The following AP2B1 variants were observed in gnomAD, a reference collection of about 807,000 sequenced individuals.
The protein encoded by AP2B1 is adaptor related protein complex 2 subunit beta 1.
Under a neutral mutation model 102.0 loss-of-function variants are expected in AP2B1, and 23 were observed. The observed-to-expected ratio is 0.23, with a 90% confidence interval of 0.16 to 0.32. The LOEUF (loss-of-function observed/expected upper bound fraction) is 0.32, where lower values mean the gene tolerates loss of function less well. AP2B1 is among the 10% of genes least tolerant of loss of function. The probability of loss-of-function intolerance (pLI) is 1.00; values close to 1 mark genes in which losing one functional copy is unlikely to be tolerated. For synonymous variants in AP2B1, 381 were observed against 421.2 expected, an observed-to-expected ratio of 0.90 and a Z score of 1.17; for missense variants, 541 against 1,157.4, an observed-to-expected ratio of 0.47 and a Z score of 7.73.
At chr17:35,703,226 C>T (rs587677360) in intron 18 of AP2B1, among the ~76,000 whole-genome samples, 135 of 136,982 alleles carry the variant, frequency 9.9e-4, no homozygotes, top group African/African-American at 3.7e-3. Context: ...GATTGCGCCA[C>T]TGCACTCCAG....
intron 14 of AP2B1, among the ~76,000 whole-genome samples, chr17:35,662,056 ATAG>A (rs2075368973): frequency 1.3e-5 from 2 of 152,136 alleles, no homozygotes; most frequent in Non-Finnish European, 2.9e-5. Context: ...TCCTCCATCA[ATAG>A]TAGTGACTCT....
chr17:35,638,410 A>C (rs953108103), intron 10 of AP2B1, among the ~76,000 whole-genome samples: 1 of 152,210 alleles, frequency 6.6e-6, no homozygotes, highest in African/African-American at 2.4e-5. Context: ...AGAGCTGTAG[A>C]TATGTAAAAA....
In AP2B1 at chr17:35,596,808, AGCGCTGCCAGGCCCCGCAG is replaced by A. The variant is rs1175290776; in HGVS notation, c.38-1413_38-1395del. ...TAGCGTCAGCTGCATGGGCCCCCGC[AGCGCTGCCAGGCCCCGCAG>A]GCGCTGCCCCACACCGCACACAGGC... On this transcript the variant is annotated intron_variant, in intron 2 of 21. Coordinates refer to ENST00000610402, the MANE Select transcript of AP2B1 (RefSeq NM_001030006.2). The A allele has an allele frequency of 3.9e-5, 25 of 634,800 alleles. No homozygotes were observed. The Admixed American group carries it at 4.7e-4, about 12-fold the overall frequency. The allele number at this position is 634,800 out of a possible 1,614,324, so 39.3% of individuals were successfully genotyped here.
At chr17:35,600,981 G>A in intron 3 of AP2B1, 1 of 985,100 alleles carries the variant, frequency 1.0e-6, no homozygotes, top group Non-Finnish European at 1.2e-6. Flanking sequence ...TCTTTTGTTT[G>A]TTAGCACATA....
intron 9 of AP2B1, among the ~76,000 whole-genome samples, chr17:35,633,344 C>T (rs1250416055): frequency 2.2e-5 from 3 of 135,000 alleles, no homozygotes; most frequent in African/African-American, 5.6e-5. Context: ...GGTCACAGAG[C>T]GAGACTGTGT....
intron 5 of AP2B1, among the ~76,000 whole-genome samples, chr17:35,616,404 G>A (rs1161192539): frequency 4.6e-5 from 7 of 151,812 alleles, no homozygotes; most frequent in African/African-American, 9.7e-5. Context: ...TCCTGACCTC[G>A]TGATCCGCCC....
At chr17:35,678,358 A>G (rs1456910210) in intron 17 of AP2B1, among the ~76,000 whole-genome samples, 1 of 152,044 alleles carries the variant, frequency 6.6e-6, no homozygotes, top group East Asian at 1.9e-4. Flanking sequence ...ATCTTTTCCT[A>G]TTCAATCTTA....
chr17:35,683,175 G>A (rs142101874), intron 18 of AP2B1, among the ~76,000 whole-genome samples: 14 of 152,202 alleles, frequency 9.2e-5, no homozygotes, highest in African/African-American at 2.9e-4. Flanking sequence ...ACCGCGCCTC[G>A]CCCAATTTTT....
At chr17:35,618,958 C>G (rs1249355119) in intron 5 of AP2B1, among the ~76,000 whole-genome samples, 1 of 152,108 alleles carries the variant, frequency 6.6e-6, no homozygotes, top group Non-Finnish European at 1.5e-5. Flanking sequence ...CTACATGTCA[C>G]CTTTGCTGGA....
intron 4 of AP2B1, among the ~76,000 whole-genome samples, chr17:35,606,266 G>A (rs991876377): frequency 1.3e-5 from 2 of 149,544 alleles, no homozygotes; most frequent in Admixed American, 6.7e-5. Context: ...TTGATACAGA[G>A]TCTCACTCTG....
rs542922752 is a variant in AP2B1, at chr17:35,657,900, A to G, written c.1989+109A>G. ...ACTAGACCTTTCCTTGATGAGCAGT[A>G]GTGTCCTTTGATAAAGGACAGGATT... On this transcript the variant is annotated intron_variant, in intron 14 of 21. Transcript: ENST00000610402. The G allele has an allele frequency of 4.2e-6, 4 of 941,300 alleles. No individual in the cohort carries two copies. The East Asian group carries it at 7.9e-5, about 18-fold the overall frequency. 58.3% of individuals were successfully genotyped at this position (941,300 alleles called of 1,614,324 possible). A position where few individuals can be genotyped will look rare whatever the true frequency, so the allele number is the denominator to read the frequency against.
chr17:35,667,933 A>ATT (rs34486349), intron 14 of AP2B1, among the ~76,000 whole-genome samples: 6,674 of 120,092 alleles, frequency 0.056, 294 homozygotes, highest in African/African-American at 0.082. Context: ...CGCTGCTCAA[A>ATT]TTTTTTTTTT....
chr17:35,682,888 T>A, intron 18 of AP2B1, 64 bp downstream of exon 18: 2 of 1,455,104 alleles, frequency 1.4e-6, no homozygotes, highest in Non-Finnish European at 1.9e-6. Context: ...TTATTATTAT[T>A]ATTTTTAAAG....
intron 18 of AP2B1, among the ~76,000 whole-genome samples, chr17:35,693,589 C>T (rs17676508): frequency 0.063 from 9,533 of 152,052 alleles, 414 homozygotes; most frequent in Middle Eastern, 0.11. Context: ...AGGAGGGACC[C>T]TGGTAAATGT....
chr17:35,590,942 A>C (rs1025054260), intron 1 of AP2B1, among the ~76,000 whole-genome samples: 2 of 152,054 alleles, frequency 1.3e-5, no homozygotes, highest in African/African-American at 4.8e-5. Context: ...TGGGAGGCCG[A>C]GGTGGATGGA....
intron 18 of AP2B1, among the ~76,000 whole-genome samples, chr17:35,703,307 G>A (rs1336281622): frequency 3.3e-5 from 4 of 122,826 alleles, no homozygotes; most frequent in African/African-American, 9.2e-5. Flanking sequence ...AATACCACTC[G>A]ACTCAGCAAT....
intron 12 of AP2B1, among the ~76,000 whole-genome samples, chr17:35,642,414 G>T (rs567345030): frequency 6.6e-6 from 1 of 152,214 alleles, no homozygotes; most frequent in East Asian, 1.9e-4. Context: ...CTGCTTCCTT[G>T]TATTATTTGA....
chr17:35,666,191 C>T (rs1598222612), intron 14 of AP2B1, among the ~76,000 whole-genome samples: 1 of 152,074 alleles, frequency 6.6e-6, no homozygotes, highest in Non-Finnish European at 1.5e-5. Context: ...GTAACCATGC[C>T]GAAATCCCTT....
At chr17:35,709,164 C>A in intron 18 of AP2B1, 60 bp from the exon 19 acceptor site, 2 of 1,450,712 alleles carry the variant, frequency 1.4e-6, no homozygotes, top group South Asian at 2.3e-5. Flanking sequence ...CAGCGCTGTT[C>A]TTTTCCTCCT....
Sources: gnomAD v4.1 joint callset for allele counts (sites outside exome capture counted in the v4.1 genomes callset) on GRCh38, gnomAD v4.1.1 for gene constraint, MANE v1.5 for transcripts, NCBI Gene and HGNC (gene_info 2026-07-23, HGNC 2026-07-21) for gene names.